Variants in CNTD1 observed in about 807,000 individuals in gnomAD.
The protein encoded by CNTD1 is cyclin N-terminal domain-containing protein 1.
CNTD1 carries 17 observed loss-of-function variants against 36.3 expected under a neutral mutation model. The ratio of observed to expected loss-of-function variants is 0.47; its 90% CI spans 0.32 to 0.70. CNTD1 has a LOEUF of 0.70. Ranked by LOEUF, CNTD1 falls within the 30% of genes least tolerant of loss-of-function variation. The probability of loss-of-function intolerance (pLI) is 0.03; values close to 1 mark genes in which losing one functional copy is unlikely to be tolerated. For synonymous variants in CNTD1, 128 were observed against 153.3 expected (o/e 0.83, Z 1.22); for missense variants, 338 against 386.1 (o/e 0.88, Z 1.04).
chr17:42,809,567 AT>A lies in CNTD1; in HGVS notation c.*33del, dbSNP rs1404829031. On this transcript the variant is annotated 3_prime_UTR_variant, in exon 7 of 7. Coordinates refer to ENST00000588408, the MANE Select transcript of CNTD1 (RefSeq NM_173478.3). The stretch of plus-strand genomic sequence containing the variant: ...CTGAATCCACCAAATATAAACAGCC[AT>A]CCGTCACTGCACTCATGCCTCCCTC... 104 of 1,600,252 alleles carry A rather than the reference AT, an allele frequency of 6.5e-5. No individual in the cohort carries two copies. The highest frequency in any genetic ancestry group is 8.7e-5 in the Non-Finnish European group (102 of 1,168,358).
Position 42,810,961 on chromosome 17 carries a change from C to G in CNTD1, c.*1426C>G, listed in dbSNP as rs2054987625. ...TGGACAGAGCAAAACTCATTAGTAA[C>G]TGAGATCTGAGTTAAGTAAGTTCGG... is the stretch of plus-strand genomic sequence containing the variant. On this transcript the variant is annotated 3_prime_UTR_variant, in exon 7 of 7. Coordinates refer to ENST00000588408, the MANE Select transcript of CNTD1 (RefSeq NM_173478.3). 1.3e-6 allele frequency: 2 copies of G among 1,537,054 alleles called. No homozygotes were observed.
At chr17:42,801,495 CAA>C (rs748783042) in intron 1 of CNTD1, among the ~76,000 whole-genome samples, 543 of 35,264 alleles carry the variant, frequency 0.015, 4 homozygotes, top group Middle Eastern at 0.059. Context: ...GACCTTGTCT[CAA>C]AAAAAAAAAA....
intron 1 of CNTD1, 52 bp from the exon 2 acceptor site, chr17:42,803,568 A>G: frequency 7.2e-7 from 1 of 1,390,254 alleles, no homozygotes; most frequent in South Asian, 1.2e-5. Context: ...GAGTTCACAG[A>G]GTGGTTTTGG....
At chr17:42,806,313 T>C (rs1660360736) in intron 4 of CNTD1, among the ~76,000 whole-genome samples, 1 of 152,048 alleles carries the variant, frequency 6.6e-6, no homozygotes, top group African/African-American at 2.4e-5. Flanking sequence ...ATGGTGTCTC[T>C]GGATGACTGA....
At position 42,809,707 on chromosome 17, in the gene CNTD1, T is replaced by C; in HGVS notation, c.*172T>C. On this transcript the variant is annotated 3_prime_UTR_variant, in exon 7 of 7. Transcript: ENST00000588408. ...CAGAGAGAGTTAAGGTGGACGAGCA[T>C]GCCCTTTTTGTCATATCAGCCTGAA... 1.7e-6 allele frequency: 1 copy of C among 582,894 alleles called. No homozygotes were observed. Among genetic ancestry groups the C allele is most frequent in the Non-Finnish European group, 2.9e-6 (1 of 342,636 alleles). 36.1% of individuals were successfully genotyped at this position (582,894 alleles called of 1,614,324 possible).
Position 42,807,769 on chromosome 17 carries a change from G to A in CNTD1, c.727G>A (p.Glu243Lys), listed in dbSNP as rs750208600. ...ENSTPSQLQG[E>K]KFTSVKEDFM... is the part of the protein sequence containing the mutation. Reference sequence around the variant, plus strand: ...ATTAATGTGGTTTTAATCACTCAGGGAAAAGTTTACTTCAGTGAAGGAAGA... The same window carrying A: ...ATTAATGTGGTTTTAATCACTCAGGAAAAAGTTTACTTCAGTGAAGGAAGA... Residue 243 changes from glutamate to lysine, a missense_variant and splice_region_variant, in exon 6 of 7, where the codon GAA becomes AAA. Glu to Lys is a moderately conservative substitution (Grantham distance 56, BLOSUM62 1). Coordinates refer to ENST00000588408, the MANE Select transcript of CNTD1 (RefSeq NM_173478.3). 1.2e-6 allele frequency: 2 copies of A among 1,610,974 alleles called. No homozygotes were observed. Among genetic ancestry groups the A allele is most frequent in the Non-Finnish European group, 1.7e-6 (2 of 1,177,334 alleles).
chr17:42,802,881 T>G (rs1424562026), intron 1 of CNTD1, among the ~76,000 whole-genome samples: 3 of 152,230 alleles, frequency 2.0e-5, no homozygotes, highest in Non-Finnish European at 4.4e-5. Context: ...GGAGCTGTTC[T>G]TTCAAAGAGA....
intron 5 of CNTD1, among the ~76,000 whole-genome samples, chr17:42,807,187 G>A (rs941114546): frequency 3.3e-5 from 5 of 151,974 alleles, no homozygotes; most frequent in Non-Finnish European, 5.9e-5. Flanking sequence ...AGGCTGAGGC[G>A]GGCAGATCAC....
chr17:42,804,415 T>C lies in CNTD1; in HGVS notation c.417+19T>C. On this transcript the variant is annotated intron_variant, in intron 3 of 6. Coordinates refer to ENST00000588408, the MANE Select transcript of CNTD1 (RefSeq NM_173478.3). ...AAACAAAGTAAGGAGCTGGGGTTGC[T>C]CATGGGCACCTGAGTGTTAGGAAGA... The C allele has an allele frequency of 6.2e-7, 1 of 1,609,852 alleles. No individual in the cohort carries two copies. The highest frequency in any genetic ancestry group is 1.7e-4 in the Middle Eastern group (1 of 6,038).
At chr17:42,803,814 T>G in intron 2 of CNTD1, 119 bp downstream of exon 2, 2 of 752,386 alleles carry the variant, frequency 2.7e-6, no homozygotes, top group Non-Finnish European at 2.3e-6. Flanking sequence ...ACACCCTCTC[T>G]AACTTGCAAA....
chr17:42,805,136 A>T (rs879667586), intron 3 of CNTD1, among the ~76,000 whole-genome samples: 3 of 152,174 alleles, frequency 2.0e-5, no homozygotes, highest in Non-Finnish European at 4.4e-5. Flanking sequence ...TTACATTTAT[A>T]AGGGAAAAAA....
intron 1 of CNTD1, among the ~76,000 whole-genome samples, chr17:42,801,541 ATATATAATATATG>A (rs2054793318): frequency 8.7e-5 from 6 of 68,716 alleles, no homozygotes; most frequent in South Asian, 8.1e-4. Context: ...ATATATATAT[ATATATAATATATG>A]TGTGTGTGTG....
intron 2 of CNTD1, among the ~76,000 whole-genome samples, chr17:42,803,967 C>T (rs2054835489): frequency 6.6e-6 from 1 of 151,924 alleles, no homozygotes; most frequent in African/African-American, 2.4e-5. Context: ...TCCTGAGTAG[C>T]TGGGACTACA....
intron 5 of CNTD1, 112 bp downstream of exon 5, chr17:42,806,930 T>TG: frequency 1.1e-6 from 1 of 938,678 alleles, no homozygotes; most frequent in Non-Finnish European, 1.6e-6. Flanking sequence ...CCAGATAACC[T>TG]ACTCAGGCTA....
chr17:42,805,492 G>T, intron 3 of CNTD1: 1 of 340,804 alleles, frequency 2.9e-6, no homozygotes, highest in South Asian at 4.1e-5. Context: ...AGGAAAGGAA[G>T]GGAGATCCAG....
In CNTD1 at chr17:42,811,293, C is replaced by G. The variant is rs984509459; in HGVS notation, c.*1758C>G. 5.0e-5 allele frequency: 14 copies of G among 277,750 alleles called. No homozygotes were observed. The highest frequency in any genetic ancestry group is 8.0e-5 in the Non-Finnish European group (12 of 150,736). The allele number at this position is 277,750 out of a possible 1,614,324, so 17.2% of individuals were successfully genotyped here. A position where few individuals can be genotyped will look rare whatever the true frequency, so the allele number is the denominator to read the frequency against. ...TTGGGGTGATAGAAGCAGCCTTACT[C>G]TAAGTAAAAACTAGAGTTTCCATCC... is the stretch of plus-strand genomic sequence containing the variant. On this transcript the variant is annotated 3_prime_UTR_variant, in exon 7 of 7. Coordinates refer to ENST00000588408, the MANE Select transcript of CNTD1 (RefSeq NM_173478.3).
At chr17:42,806,988 G>A (rs1432189549) in intron 5 of CNTD1, among the ~76,000 whole-genome samples, 170 bp downstream of exon 5, 1 of 152,168 alleles carries the variant, frequency 6.6e-6, no homozygotes, top group African/African-American at 2.4e-5. Context: ...AGGTGACTGA[G>A]CCTGGTCAGG....
chr17:42,803,528 G>A, intron 1 of CNTD1, 92 bp from the exon 2 acceptor site: 1 of 902,136 alleles, frequency 1.1e-6, no homozygotes, highest in Non-Finnish European at 1.8e-6. Context: ...CTCTTCCCTT[G>A]GCCCCATCAC....
intron 1 of CNTD1, among the ~76,000 whole-genome samples, chr17:42,801,607 G>A (rs1410330634): frequency 2.2e-5 from 3 of 139,318 alleles, no homozygotes; most frequent in African/African-American, 7.8e-5. Flanking sequence ...TTTTGGATCT[G>A]CTGAGTTTAA....
Sources: allele counts gnomAD v4.1 joint callset (sites outside exome capture counted in the v4.1 genomes callset), GRCh38; gene constraint gnomAD v4.1.1; transcripts MANE v1.5; gene names NCBI Gene and HGNC (gene_info 2026-07-23, HGNC 2026-07-21).